Variants in TRERF1 observed in about 807,000 individuals in gnomAD.
TRERF1 encodes transcriptional regulating factor 1.
A neutral mutation model predicts 122.9 loss-of-function variants in TRERF1; 27 were observed. The ratio of observed to expected loss-of-function variants is 0.22; its 90% CI spans 0.16 to 0.30. TRERF1 has a LOEUF of 0.30. Among genes scored for constraint, TRERF1 ranks in the 10% least tolerant of loss-of-function variants. TRERF1 has a pLI of 1.00. For missense variants in TRERF1, 1,248 were observed against 1,560.3 expected (o/e 0.80, Z 3.37); for synonymous variants, 636 against 641.7 (o/e 0.99, Z 0.13).
In TRERF1 at chr6:42,236,297, C is replaced by T. The variant is rs757345949; in HGVS notation, c.2974G>A (p.Val992Ile). 4.8e-5 allele frequency: 77 copies of T among 1,610,552 alleles called. No individual in the cohort carries two copies. The highest frequency in any genetic ancestry group is 2.7e-4 in the East Asian group (12 of 44,788). ...CCCTCCGTGGGAGCCAGGACGGGGA[C>T]GGGTGGTGGCTCCGGGGACTTCGGC... Residue 992 changes from valine (V) to isoleucine (I), a missense_variant, in exon 16 of 18, where the codon GTC becomes ATC. By Grantham distance (29) the Val-to-Ile change is conservative. Around this residue, in one of 5 missense-constraint regions of TRERF1, gnomAD observed 159 missense variants for 221.7 expected, o/e 0.72. Coordinates refer to ENST00000372922, the Ensembl canonical transcript of TRERF1.
At chr6:42,313,686 T>C (rs1013305762) in intron 3 of TRERF1, among the ~76,000 whole-genome samples, 7 of 152,150 alleles carry the variant, frequency 4.6e-5, no homozygotes, top group African/African-American at 1.4e-4. Flanking sequence ...AATGTGACCA[T>C]ATGAGGGAGA....
At position 42,276,385 on chromosome 6, in the gene TRERF1, G is replaced by T. The variant is rs965372386; in HGVS notation, c.-258-6537C>A. ...AAAAGATTTTCCTTTTTCTGACCCC[G>T]GGCAGTCAGTTAGAGACTGTATACA... On this transcript the variant is annotated intron_variant, in intron 4 of 17. Transcript: ENST00000372922. The surrounding 1 kb of genome is among the most constrained non-coding windows in gnomAD (Gnocchi z 4.3). Among the ~76,000 whole-genome samples, 1 of 152,154 alleles carries T rather than the reference G, an allele frequency of 6.6e-6. No individual in the cohort carries two copies. Among genetic ancestry groups the T allele is most frequent in the Non-Finnish European group, 1.5e-5 (1 of 68,026 alleles).
chr6:42,244,225 C>A (rs1390756883), intron 14 of TRERF1, among the ~76,000 whole-genome samples: 1 of 151,784 alleles, frequency 6.6e-6, no homozygotes, highest in Non-Finnish European at 1.5e-5. Context: ...ACTCTCGTTG[C>A]CCAGGCTGGA....
intron 3 of TRERF1, among the ~76,000 whole-genome samples, chr6:42,336,935 G>A (rs968279827): frequency 3.3e-5 from 5 of 152,190 alleles, no homozygotes; most frequent in Admixed American, 6.5e-5. Context: ...TCGTGGCTCC[G>A]GCTCTATGGA....
intron 2 of TRERF1, among the ~76,000 whole-genome samples, chr6:42,447,033 C>T (rs567753378): frequency 4.3e-4 from 65 of 152,004 alleles, no homozygotes; most frequent in Non-Finnish European, 6.2e-4. Context: ...ACAAAACCCT[C>T]GTTCTTTGAG....
intron 16 of TRERF1, among the ~76,000 whole-genome samples, chr6:42,233,844 C>T (rs1015836443): frequency 3.9e-5 from 6 of 152,140 alleles, no homozygotes; most frequent in African/African-American, 7.2e-5. Context: ...GGTTTTCTGA[C>T]GTATTCTACG....
chr6:42,259,948 T>C lies in TRERF1; in HGVS notation c.1885-225A>G, dbSNP rs935254301. Among the ~76,000 whole-genome samples the C allele has an allele frequency of 6.6e-6, 1 of 151,996 alleles. No homozygotes were observed. Among genetic ancestry groups the C allele is most frequent in the African/African-American group, 2.4e-5 (1 of 41,354 alleles). ...GGTTTTGGAAGAAATCCCTAATTTC[T>C]GAAAGAGCTGGGGGTGGTAGGAATA... is the stretch of plus-strand genomic sequence containing the variant. On this transcript the variant is annotated intron_variant, in intron 8 of 17. Coordinates refer to ENST00000372922, the Ensembl canonical transcript of TRERF1. The surrounding 1 kb of genome is among the most constrained non-coding windows in gnomAD (Gnocchi z 4.9).
chr6:42,438,025 G>A lies in TRERF1; in HGVS notation c.-454+13152C>T, dbSNP rs185319995. 3.9e-3 allele frequency among the ~76,000 whole-genome samples: 593 copies of A among 151,966 alleles called. 2 individuals carry two copies. Among genetic ancestry groups the A allele is most frequent in the Non-Finnish European group, 4.5e-3 (303 of 67,958 alleles). On this transcript the variant is annotated intron_variant, in intron 2 of 17. Transcript: ENST00000372922. The stretch of plus-strand genomic sequence containing the variant: ...CAATCTTCGCCTCCCAGGTTCAAGC[G>A]ATTCTCCCGCCCCAGCCTCCCGAGC...
chr6:42,340,065 G>A (rs149181459), intron 3 of TRERF1, among the ~76,000 whole-genome samples: 60 of 152,292 alleles, frequency 3.9e-4, no homozygotes, highest in African/African-American at 1.4e-3. Context: ...CCAGGGCTAA[G>A]TCTTGTCCTA....
At chr6:42,339,692 T>G (rs909153270) in intron 3 of TRERF1, among the ~76,000 whole-genome samples, 1 of 152,176 alleles carries the variant, frequency 6.6e-6, no homozygotes, top group Non-Finnish European at 1.5e-5. Context: ...GCCAAACCCA[T>G]GCAGACTGAC....
intron 3 of TRERF1, among the ~76,000 whole-genome samples, chr6:42,353,398 C>A (rs1769860829): frequency 6.6e-6 from 1 of 151,808 alleles, no homozygotes; most frequent in Admixed American, 6.6e-5. Flanking sequence ...ACCAGCCTGG[C>A]CAACATGGTG....
At position 42,393,456 on chromosome 6, in the gene TRERF1, T is replaced by A. The variant is rs1479947167; in HGVS notation, c.-453-30377A>T. Among the ~76,000 whole-genome samples the A allele has an allele frequency of 3.3e-5, 5 of 152,040 alleles. No homozygotes were observed. Reference sequence around the variant, plus strand: ...TGGTTGAAGGACGATGAGAAGTAAGTAAAGGTCAGAACAGAGATTCAGGAG... The same window carrying A: ...TGGTTGAAGGACGATGAGAAGTAAGAAAAGGTCAGAACAGAGATTCAGGAG... On this transcript the variant is annotated intron_variant, in intron 2 of 17. Coordinates refer to ENST00000372922, the Ensembl canonical transcript of TRERF1. This position sits in a 1 kb window ranked among gnomAD's most constrained non-coding sequence, Gnocchi z 4.1.
chr6:42,347,557 C>T (rs752109786), intron 3 of TRERF1, among the ~76,000 whole-genome samples: 17 of 152,114 alleles, frequency 1.1e-4, no homozygotes, highest in Non-Finnish European at 2.1e-4. Flanking sequence ...AACTGCAAAA[C>T]CATGTATAAA....
chr6:42,318,765 A>G (rs1202553331), intron 3 of TRERF1, among the ~76,000 whole-genome samples: 2 of 152,270 alleles, frequency 1.3e-5, no homozygotes, highest in East Asian at 3.8e-4. Flanking sequence ...AATAGAGACC[A>G]TGGCTGCAAG....
At chr6:42,235,205 C>T (rs888396839) in intron 16 of TRERF1, among the ~76,000 whole-genome samples, 1 of 152,008 alleles carries the variant, frequency 6.6e-6, no homozygotes, top group Non-Finnish European at 1.5e-5. Context: ...GCATTCAGTA[C>T]ACTCTGGAGA....
chr6:42,279,447 C>T (rs1327976315), intron 4 of TRERF1, among the ~76,000 whole-genome samples: 1 of 152,166 alleles, frequency 6.6e-6, no homozygotes. Flanking sequence ...GATGAGGCCC[C>T]AGCGAAAGTG....
chr6:42,392,101 T>C (rs1164617910), intron 2 of TRERF1, among the ~76,000 whole-genome samples: 4 of 152,174 alleles, frequency 2.6e-5, no homozygotes, highest in Non-Finnish European at 5.9e-5. Context: ...TGTGTACACG[T>C]ATACTTATTA....
intron 2 of TRERF1, among the ~76,000 whole-genome samples, chr6:42,392,368 A>C (rs1777889798): frequency 6.6e-6 from 1 of 152,224 alleles, no homozygotes; most frequent in Non-Finnish European, 1.5e-5. Context: ...AGTGATCATT[A>C]AACAAGAAAA....
chr6:42,369,430 C>A (rs1001210811), intron 2 of TRERF1, among the ~76,000 whole-genome samples: 1 of 151,996 alleles, frequency 6.6e-6, no homozygotes, highest in East Asian at 1.9e-4. Context: ...GGCAACAGAG[C>A]GAGACTCCAA....
Sources: gnomAD v4.1 joint callset for allele counts (sites outside exome capture counted in the v4.1 genomes callset) on GRCh38, gnomAD v4.1.1 for gene constraint, gnomAD v4.1.1 regional missense constraint, Gnocchi (gnomAD v3.1) non-coding constraint, MANE v1.5 for transcripts, NCBI Gene and HGNC (gene_info 2026-07-23, HGNC 2026-07-21) for gene names.